RYR2: variants seen among roughly 807,000 people sequenced by gnomAD.
RYR2 encodes the protein cardiac muscle ryanodine receptor-calcium release channel.
A neutral mutation model predicts 601.1 loss-of-function variants in RYR2; 227 were observed. The ratio of observed to expected loss-of-function variants is 0.38; its 90% CI spans 0.34 to 0.42. The LOEUF (loss-of-function observed/expected upper bound fraction) is 0.42. RYR2 is among the 10% of genes least tolerant of loss of function. RYR2 has a pLI of 1.00. For synonymous variants in RYR2, 2,223 were observed against 2,175.1 expected, an observed-to-expected ratio of 1.02 and a Z score of -0.61; for missense variants, 4,646 against 6,156.5, an observed-to-expected ratio of 0.75 and a Z score of 8.21.
At chr1:237,108,900 G>A (rs536278845) in intron 1 of RYR2, among the ~76,000 whole-genome samples, 122 of 152,220 alleles carry the variant, frequency 8.0e-4, no homozygotes, top group Non-Finnish European at 1.4e-3. Context: ...AGAGCAGCTG[G>A]GTGTGTGATT....
intron 12 of RYR2, among the ~76,000 whole-genome samples, chr1:237,424,568 A>G (rs961053611): frequency 6.6e-6 from 1 of 152,218 alleles, no homozygotes; most frequent in African/African-American, 2.4e-5. Context: ...GATTTGGCTT[A>G]GTAGAACTAC....
intron 29 of RYR2, among the ~76,000 whole-genome samples, chr1:237,572,589 G>T (rs1448676947): frequency 1.3e-5 from 2 of 152,064 alleles, no homozygotes; most frequent in African/African-American, 4.8e-5. Context: ...CTTTGTATTG[G>T]TATCTCTATC....
At chr1:237,381,814 C>T (rs1278615041) in intron 8 of RYR2, among the ~76,000 whole-genome samples, 1 of 152,040 alleles carries the variant, frequency 6.6e-6, no homozygotes, top group Non-Finnish European at 1.5e-5. Flanking sequence ...GTTGTAAACG[C>T]CTCACCCAGA....
chr1:237,784,252 C>T lies in RYR2; in HGVS notation c.12540C>T (p.Gly4180=), dbSNP rs772125105. ...RQFIFDVVNE[G]GEKEKMELFV... Reference sequence around the variant, plus strand: ...TCATATTTGACGTGGTCAACGAAGGCGGAGAGAAAGAGAAGATGGAACTCT... The same window carrying T: ...TCATATTTGACGTGGTCAACGAAGGTGGAGAGAAAGAGAAGATGGAACTCT... Residue 4180 remains glycine, a synonymous_variant, in exon 90 of 105, where the codon GGC becomes GGT. Coordinates refer to ENST00000366574, the MANE Select transcript of RYR2 (RefSeq NM_001035.3). This position sits in a 1 kb window ranked among gnomAD's most constrained non-coding sequence, Gnocchi z 7.1. 86 of 1,613,676 alleles carry T rather than the reference C, an allele frequency of 5.3e-5. No homozygotes were observed. The highest frequency in any genetic ancestry group is 7.1e-5 in the Non-Finnish European group (84 of 1,179,876).
chr1:237,304,110 A>G (rs931059257), intron 2 of RYR2, among the ~76,000 whole-genome samples: 5 of 152,148 alleles, frequency 3.3e-5, no homozygotes, highest in African/African-American at 9.7e-5. Flanking sequence ...TCTGAGTGTG[A>G]TATGATTCTT....
intron 62 of RYR2, among the ~76,000 whole-genome samples, chr1:237,685,542 A>G (rs1016775214): frequency 1.3e-5 from 2 of 152,232 alleles, no homozygotes; most frequent in Admixed American, 1.3e-4. Flanking sequence ...ATATCTCAGA[A>G]TGTTTCACTC....
chr1:237,807,975 A>AC (rs1660827912), intron 99 of RYR2, among the ~76,000 whole-genome samples: 1 of 152,210 alleles, frequency 6.6e-6, no homozygotes, highest in African/African-American at 2.4e-5. Flanking sequence ...GCATATACAT[A>AC]TTCTATCAAA....
At chr1:237,440,069 A>C (rs762048639) in intron 12 of RYR2, among the ~76,000 whole-genome samples, 7 of 152,046 alleles carry the variant, frequency 4.6e-5, no homozygotes, top group Non-Finnish European at 1.0e-4. Context: ...ATAATTATAT[A>C]TTTTCTTAGT....
At chr1:237,359,543 T>A (rs1226699542) in intron 4 of RYR2, among the ~76,000 whole-genome samples, 3 of 152,190 alleles carry the variant, frequency 2.0e-5, no homozygotes, top group Non-Finnish European at 4.4e-5. Context: ...TAAATATATA[T>A]GAAAATTAAA....
Position 237,350,602 on chromosome 1 carries a change from AATATATATAT to A in RYR2, c.274-5340_274-5331del, listed in dbSNP as rs1177777241. On this transcript the variant is annotated intron_variant, in intron 3 of 104. Transcript: ENST00000366574. The stretch of plus-strand genomic sequence containing the variant: ...AAAAAAAAAAAAAAAAAAAAAAAAA[AATATATATAT>A]ATATATATATATATATATATATCTC... Among the ~76,000 whole-genome samples the A allele has an allele frequency of 3.0e-3, 110 of 37,008 alleles. 2 individuals carry two copies. Among genetic ancestry groups the A allele is most frequent in the African/African-American group, 0.011 (105 of 9,730 alleles). The allele number at this position is 37,008 out of a possible 152,430, so 24.3% of individuals were successfully genotyped here. A position where few individuals can be genotyped will look rare whatever the true frequency, so the allele number is the denominator to read the frequency against.
chr1:237,740,908 C>A (rs932384966), intron 79 of RYR2, among the ~76,000 whole-genome samples: 19 of 152,164 alleles, frequency 1.2e-4, no homozygotes, highest in Admixed American at 1.2e-3. Context: ...TGGAGGACTG[C>A]AGATTTGCCT....
intron 1 of RYR2, among the ~76,000 whole-genome samples, chr1:237,237,938 TCCTTTCC>T (rs1308320249): frequency 1.0e-5 from 1 of 98,122 alleles, no homozygotes; most frequent in African/African-American, 3.4e-5. Flanking sequence ...CTTTCCCCTT[TCCTTTCC>T]CCTTTCCTTT....
intron 1 of RYR2, among the ~76,000 whole-genome samples, chr1:237,253,512 C>T (rs1423852586): frequency 1.3e-5 from 2 of 152,190 alleles, no homozygotes; most frequent in Non-Finnish European, 2.9e-5. Context: ...AGTTAAACAC[C>T]AAGCTTTTCA....
chr1:237,484,548 C>G (rs1344865863), intron 17 of RYR2, among the ~76,000 whole-genome samples: 1 of 152,146 alleles, frequency 6.6e-6, no homozygotes, highest in African/African-American at 2.4e-5. Context: ...TGCGATGGGG[C>G]AAAATCCCCA....
At chr1:237,066,070 C>T (rs1663573260) in intron 1 of RYR2, among the ~76,000 whole-genome samples, 1 of 152,190 alleles carries the variant, frequency 6.6e-6, no homozygotes, top group South Asian at 2.1e-4. Flanking sequence ...GGCACAGATC[C>T]AACCATATCA....
intron 47 of RYR2, among the ~76,000 whole-genome samples, chr1:237,641,481 CTT>C (rs1553264974): frequency 9.6e-5 from 4 of 41,502 alleles, no homozygotes; most frequent in African/African-American, 1.6e-4. Context: ...GTCTTTCTTT[CTT>C]TCTTTCTTTC....
chr1:237,346,697 TG>T (rs1698341790), intron 3 of RYR2, among the ~76,000 whole-genome samples: 1 of 152,260 alleles, frequency 6.6e-6, no homozygotes, highest in African/African-American at 2.4e-5. Flanking sequence ...GTTAGGAAAT[TG>T]GGCTAATGTT....
At chr1:237,434,129 G>A (rs189068435) in intron 12 of RYR2, among the ~76,000 whole-genome samples, 1 of 152,272 alleles carries the variant, frequency 6.6e-6, no homozygotes, top group East Asian at 1.9e-4. Flanking sequence ...AACTGTGTGA[G>A]ACGGTATTGA....
intron 17 of RYR2, among the ~76,000 whole-genome samples, chr1:237,481,831 A>C (rs1015645878): frequency 1.4e-5 from 2 of 147,730 alleles, no homozygotes; most frequent in African/African-American, 5.2e-5. Flanking sequence ...AAAAAAAAAA[A>C]AAAACCACCT....
Sources: allele counts gnomAD v4.1 joint callset (sites outside exome capture counted in the v4.1 genomes callset), GRCh38; gene constraint gnomAD v4.1.1; non-coding constraint Gnocchi (gnomAD v3.1); transcripts MANE v1.5; gene names NCBI Gene and HGNC (gene_info 2026-07-23, HGNC 2026-07-21).